The following CSMD1 variants were observed in gnomAD, a reference collection of about 807,000 sequenced individuals.
CSMD1 encodes the protein CUB and sushi domain-containing protein 1.
A neutral mutation model predicts 417.5 loss-of-function variants in CSMD1; 213 were observed. That is an observed-to-expected ratio of 0.51 (90% confidence interval 0.46 to 0.57). The LOEUF (loss-of-function observed/expected upper bound fraction) is 0.57. CSMD1 is among the 20% of genes least tolerant of loss of function. CSMD1 has a pLI of 0.00. For missense variants in CSMD1, 6,923 were observed against 4,529.7 expected (o/e 1.53, Z -15.17); for synonymous variants, 2,862 against 1,736.8 (o/e 1.65, Z -16.11).
rs1176282023 is a variant in CSMD1, at chr8:4,649,633, A to C, written c.86-12075T>G. Among the ~76,000 whole-genome samples, 3 of 152,340 alleles carry C rather than the reference A, an allele frequency of 2.0e-5. No individual in the cohort carries two copies. In the East Asian group the frequency reaches 5.8e-4, roughly 29 times the overall value. ...TACAAAAGCAAAGGCCAATTTTTTA[A>C]TTTTAAGAACTCTTCTACTCCTCTT... On this transcript the variant is annotated intron_variant, in intron 1 of 69. Transcript: ENST00000635120.
At chr8:4,600,122 C>G (rs897941871) in intron 2 of CSMD1, among the ~76,000 whole-genome samples, 1 of 152,168 alleles carries the variant, frequency 6.6e-6, no homozygotes, top group African/African-American at 2.4e-5. Flanking sequence ...GGCTGACGTT[C>G]TCAGCACTTA....
intron 5 of CSMD1, among the ~76,000 whole-genome samples, chr8:3,839,055 A>C (rs1187179006): frequency 1.6e-5 from 2 of 127,824 alleles, no homozygotes; most frequent in Non-Finnish European, 3.1e-5. Flanking sequence ...TATAAAATAT[A>C]TAGCCTATAG....
intron 2 of CSMD1, among the ~76,000 whole-genome samples, chr8:4,424,926 G>A (rs2128942572): frequency 6.6e-6 from 1 of 151,910 alleles, no homozygotes; most frequent in South Asian, 2.1e-4. Context: ...TAAATACATT[G>A]GAAAGGTTGA....
intron 10 of CSMD1, among the ~76,000 whole-genome samples, chr8:3,521,213 C>A (rs1460172936): frequency 6.6e-6 from 1 of 152,196 alleles, no homozygotes; most frequent in African/African-American, 2.4e-5. Flanking sequence ...CTTGCTTAAA[C>A]ACCTTCCCTG....
intron 23 of CSMD1, among the ~76,000 whole-genome samples, chr8:3,314,197 C>A (rs983461428): frequency 6.6e-6 from 1 of 151,944 alleles, no homozygotes; most frequent in Non-Finnish European, 1.5e-5. Flanking sequence ...GTGCAGCACA[C>A]CAACATGGCA....
In CSMD1 at chr8:2,961,225, T is replaced by C; in HGVS notation, c.9629-11A>G. On this transcript the variant is annotated splice_polypyrimidine_tract_variant and intron_variant, in intron 61 of 69. Coordinates refer to ENST00000635120, the MANE Select transcript of CSMD1 (RefSeq NM_033225.6). ...TGTTATGAGCAGGATCTGAAATTTG[T>C]GATTTAAAAAGAAAAGAGGGCACCA... 2 of 1,574,694 alleles carry C rather than the reference T, an allele frequency of 1.3e-6. No homozygotes were observed. The highest frequency in any genetic ancestry group is 1.7e-6 in the Non-Finnish European group (2 of 1,153,270).
chr8:3,723,871 C>G (rs4585770), intron 6 of CSMD1, among the ~76,000 whole-genome samples: 1 of 151,984 alleles, frequency 6.6e-6, no homozygotes, highest in Non-Finnish European at 1.5e-5. Flanking sequence ...TAGACCAACA[C>G]GTTTTACTAT....
At chr8:3,126,878 C>A (rs1263628499) in intron 41 of CSMD1, among the ~76,000 whole-genome samples, 1 of 152,116 alleles carries the variant, frequency 6.6e-6, no homozygotes, top group Non-Finnish European at 1.5e-5. Flanking sequence ...CCCTGCATTG[C>A]AAGAGAGGCT....
At chr8:4,166,949 T>G (rs999805405) in intron 3 of CSMD1, among the ~76,000 whole-genome samples, 1 of 152,232 alleles carries the variant, frequency 6.6e-6, no homozygotes, top group Non-Finnish European at 1.5e-5. Flanking sequence ...GGCCACCATG[T>G]CAGACAGCAC....
At chr8:3,953,542 T>A (rs1360201010) in intron 5 of CSMD1, among the ~76,000 whole-genome samples, 1 of 152,062 alleles carries the variant, frequency 6.6e-6, no homozygotes, top group African/African-American at 2.4e-5. Flanking sequence ...GAGTGGAGTT[T>A]TACAGCTTCA....
At chr8:4,584,060 AGT>A (rs1398303256) in intron 2 of CSMD1, among the ~76,000 whole-genome samples, 1 of 151,926 alleles carries the variant, frequency 6.6e-6, no homozygotes, top group Non-Finnish European at 1.5e-5. Flanking sequence ...GAAGGTCTGC[AGT>A]TTCACTCCTG....
At chr8:4,867,661 G>A (rs774235620) in intron 1 of CSMD1, among the ~76,000 whole-genome samples, 5 of 151,990 alleles carry the variant, frequency 3.3e-5, no homozygotes, top group African/African-American at 4.8e-5. Context: ...ATAGAATGAT[G>A]GTGCTGAGAA....
intron 33 of CSMD1, among the ~76,000 whole-genome samples, chr8:3,196,401 T>C (rs551933301): frequency 1.3e-5 from 2 of 152,298 alleles, no homozygotes; most frequent in Admixed American, 1.3e-4. Flanking sequence ...TAGCCATTCT[T>C]TATTCCTTAA....
intron 3 of CSMD1, among the ~76,000 whole-genome samples, chr8:4,150,401 G>A (rs968538015): frequency 6.6e-6 from 1 of 152,096 alleles, no homozygotes. Context: ...GAAGTAATGT[G>A]GACTCTCTTA....
At chr8:4,867,455 T>G (rs1040922529) in intron 1 of CSMD1, among the ~76,000 whole-genome samples, 2 of 152,092 alleles carry the variant, frequency 1.3e-5, no homozygotes, top group African/African-American at 4.8e-5. Context: ...TAAAGTATAA[T>G]TATTTATAGG....
intron 1 of CSMD1, among the ~76,000 whole-genome samples, chr8:4,670,258 T>C (rs1433092417): frequency 1.3e-5 from 2 of 152,222 alleles, no homozygotes; most frequent in African/African-American, 2.4e-5. Context: ...GCATGGCCTT[T>C]AGTCTCCTGG....
intron 4 of CSMD1, among the ~76,000 whole-genome samples, chr8:4,026,634 G>A (rs1797078753): frequency 6.6e-6 from 1 of 152,138 alleles, no homozygotes; most frequent in Admixed American, 6.5e-5. Flanking sequence ...TTATCTCCTG[G>A]GAAGCTACAA....
At chr8:3,652,337 G>A (rs962206789) in intron 7 of CSMD1, among the ~76,000 whole-genome samples, 1 of 151,538 alleles carries the variant, frequency 6.6e-6, no homozygotes, top group Non-Finnish European at 1.5e-5. Context: ...ACCACCATCA[G>A]CGTGCTTACC....
intron 6 of CSMD1, among the ~76,000 whole-genome samples, chr8:3,749,988 G>C (rs565298700): frequency 2.6e-5 from 4 of 152,204 alleles, no homozygotes; most frequent in South Asian, 4.2e-4. Flanking sequence ...TTCTAAAACG[G>C]TCATATCAAT....
Sources: gnomAD v4.1 joint callset for allele counts (sites outside exome capture counted in the v4.1 genomes callset) on GRCh38, gnomAD v4.1.1 for gene constraint, MANE v1.5 for transcripts, NCBI Gene and HGNC (gene_info 2026-07-23, HGNC 2026-07-21) for gene names.